RASSF8: variants seen among roughly 807,000 people sequenced by gnomAD.
The protein encoded by RASSF8 is Ras association domain family member 8.
RASSF8 carries 22 observed loss-of-function variants against 48.5 expected under a neutral mutation model. The ratio of observed to expected loss-of-function variants is 0.45; its 90% CI spans 0.32 to 0.65. RASSF8 has a LOEUF of 0.65. Ranked by LOEUF, RASSF8 falls within the 30% of genes least tolerant of loss-of-function variation. RASSF8 has a pLI of 0.03. For synonymous variants in RASSF8, 127 were observed against 171.5 expected (o/e 0.74, Z 2.03); for missense variants, 418 against 489.2 (o/e 0.85, Z 1.37).
At chr12:26,040,107 T>C (rs138472451) in intron 2 of RASSF8, among the ~76,000 whole-genome samples, 67 of 152,364 alleles carry the variant, frequency 4.4e-4, no homozygotes, top group African/African-American at 1.6e-3. Flanking sequence ...GTGGTTCTTT[T>C]GTTTTATTTT....
At chr12:26,029,034 G>A (rs1473563139) in intron 2 of RASSF8, among the ~76,000 whole-genome samples, 1 of 152,182 alleles carries the variant, frequency 6.6e-6, no homozygotes, top group East Asian at 1.9e-4. Flanking sequence ...GAGTGGTTGT[G>A]TTTATGATAA....
intron 1 of RASSF8, among the ~76,000 whole-genome samples, chr12:25,988,831 C>T (rs1181111107): frequency 6.6e-6 from 1 of 152,116 alleles, no homozygotes; most frequent in East Asian, 1.9e-4. Flanking sequence ...AAACAAGTAA[C>T]AAAACAGTGT....
intron 2 of RASSF8, among the ~76,000 whole-genome samples, chr12:26,012,704 A>G (rs1426474018): frequency 2.3e-5 from 3 of 129,614 alleles, no homozygotes; most frequent in African/African-American, 9.0e-5. Context: ...TTTTTGAGAT[A>G]GGGTCTCACT....
At chr12:26,079,708 T>G (rs936884750) in exon 6 of RASSF8, 4 of 152,076 alleles carry the variant, frequency 2.6e-5, no homozygotes, top group African/African-American at 9.7e-5. Flanking sequence ...CACAATGAGA[T>G]ACCACCTCAC....
intron 1 of RASSF8, among the ~76,000 whole-genome samples, chr12:25,993,696 A>T (rs564022918): frequency 2.0e-5 from 3 of 152,196 alleles, no homozygotes; most frequent in African/African-American, 4.8e-5. Context: ...TCACCCTCAC[A>T]TGTGTATATT....
At chr12:26,066,449 C>T (rs1271495810) in intron 4 of RASSF8, among the ~76,000 whole-genome samples, 1 of 152,188 alleles carries the variant, frequency 6.6e-6, no homozygotes, top group Non-Finnish European at 1.5e-5. Flanking sequence ...TCTCCTTTCT[C>T]CGTCATTATC....
In RASSF8 at chr12:26,069,044, A is replaced by G. The variant is rs1001236671; in HGVS notation, c.*226A>G. 8.2e-7 allele frequency: 1 copy of G among 1,214,616 alleles called. No homozygotes were observed. 75.2% of individuals were successfully genotyped at this position (1,214,616 alleles called of 1,614,324 possible). ...GTGTTGATATTTTTGTCCAGCAGCTATAATGCAAAGCCTTCGTTTTTATTT... is the reference window on the plus strand; with the variant it reads ...GTGTTGATATTTTTGTCCAGCAGCTGTAATGCAAAGCCTTCGTTTTTATTT... On this transcript the variant is annotated 3_prime_UTR_variant, in exon 6 of 6. Coordinates refer to ENST00000689635, the MANE Select transcript of RASSF8 (RefSeq NM_001394098.1).
intron 1 of RASSF8, among the ~76,000 whole-genome samples, chr12:25,971,230 A>T (rs1328176348): frequency 6.6e-6 from 1 of 152,030 alleles, no homozygotes; most frequent in Non-Finnish European, 1.5e-5. Flanking sequence ...TCTAAAATGG[A>T]GCAGCTTTGT....
At chr12:26,036,753 T>C (rs956128322) in intron 2 of RASSF8, among the ~76,000 whole-genome samples, 1 of 151,202 alleles carries the variant, frequency 6.6e-6, no homozygotes, top group African/African-American at 2.4e-5. Flanking sequence ...ACTAAAAAAA[T>C]AAAAAATAAA....
At chr12:26,040,281 A>C (rs531462107) in intron 2 of RASSF8, among the ~76,000 whole-genome samples, 1 of 152,286 alleles carries the variant, frequency 6.6e-6, no homozygotes, top group East Asian at 1.9e-4. Context: ...GGAACCAGAA[A>C]ATTTCCCAAC....
At chr12:26,065,517 G>A in intron 4 of RASSF8, 130 bp downstream of exon 4, 1 of 1,236,636 alleles carries the variant, frequency 8.1e-7, no homozygotes, top group Non-Finnish European at 1.1e-6. Flanking sequence ...TAAAACTTTT[G>A]TCGAACTCTT....
rs150305198 is a variant in RASSF8 at position 25,998,589 on chromosome 12, C to T, written c.-109+3459C>T. Among the ~76,000 whole-genome samples, 582 of 152,156 alleles carry T rather than the reference C, an allele frequency of 3.8e-3. 3 individuals are homozygous for T. Among genetic ancestry groups the T allele is most frequent in the African/African-American group, 0.013 (559 of 41,510 alleles). Reference sequence around the variant, plus strand: ...GTCTCGATCTCTTGACCTCATGTTCCGCCCACCTCAGCCTCCCAAAGTGCT... The same window carrying T: ...GTCTCGATCTCTTGACCTCATGTTCTGCCCACCTCAGCCTCCCAAAGTGCT... On this transcript the variant is annotated intron_variant, in intron 2 of 5. Coordinates refer to ENST00000689635, the MANE Select transcript of RASSF8 (RefSeq NM_001394098.1).
intron 2 of RASSF8, among the ~76,000 whole-genome samples, chr12:26,023,445 G>A (rs1169159610): frequency 2.0e-5 from 3 of 152,058 alleles, no homozygotes; most frequent in South Asian, 4.1e-4. Context: ...ACTTCTCATC[G>A]GAAACAATGA....
At chr12:26,055,503 GTGTT>G (rs1388930047) in intron 3 of RASSF8, 57 bp downstream of exon 3, 2 of 1,394,240 alleles carry the variant, frequency 1.4e-6, no homozygotes, top group African/African-American at 2.8e-5. Context: ...TTCGTTGTAT[GTGTT>G]TGTTTTAAAT....
At chr12:26,035,644 T>C (rs1943130891) in intron 2 of RASSF8, among the ~76,000 whole-genome samples, 1 of 144,634 alleles carries the variant, frequency 6.9e-6, no homozygotes, top group Non-Finnish European at 1.5e-5. Flanking sequence ...TTTCACCTTT[T>C]CAGTATTTTC....
intron 1 of RASSF8, among the ~76,000 whole-genome samples, chr12:25,966,429 T>G (rs1592212296): frequency 6.6e-6 from 1 of 152,114 alleles, no homozygotes; most frequent in Admixed American, 6.5e-5. Context: ...AGGCTGGTCT[T>G]GAACTCCTGG....
intron 1 of RASSF8, among the ~76,000 whole-genome samples, chr12:25,984,891 A>G (rs561510996): frequency 2.0e-5 from 3 of 152,338 alleles, no homozygotes; most frequent in South Asian, 4.1e-4. Context: ...AACACAGGCA[A>G]TAAATCATTT....
chr12:25,985,137 C>A (rs1398500601), intron 1 of RASSF8, among the ~76,000 whole-genome samples: 2 of 152,098 alleles, frequency 1.3e-5, no homozygotes, highest in African/African-American at 4.8e-5. Flanking sequence ...TGTTAACTCC[C>A]AGGTTATTGC....
chr12:26,033,799 C>G (rs1331410353), intron 2 of RASSF8, among the ~76,000 whole-genome samples: 1 of 152,120 alleles, frequency 6.6e-6, no homozygotes, highest in Non-Finnish European at 1.5e-5. Context: ...AATGCCAGGA[C>G]TCTCAAATCA....
Sources: allele counts gnomAD v4.1 joint callset (sites outside exome capture counted in the v4.1 genomes callset), GRCh38; gene constraint gnomAD v4.1.1; transcripts MANE v1.5; gene names NCBI Gene and HGNC (gene_info 2026-07-23, HGNC 2026-07-21).